SEL1L2: variants seen among roughly 807,000 people sequenced by gnomAD.
The protein encoded by SEL1L2 is SEL1L2 adaptor subunit of SYVN1 ubiquitin ligase.
Under a neutral mutation model 98.8 loss-of-function variants are expected in SEL1L2, and 89 were observed. The ratio of observed to expected loss-of-function variants is 0.90; its 90% confidence interval spans 0.76 to 1.07. The LOEUF is 1.07. Among genes scored for constraint, SEL1L2 ranks in the 50% least tolerant of loss-of-function variants. The pLI, the probability that SEL1L2 is intolerant of heterozygous loss-of-function variation, is 0.00. For synonymous variants in SEL1L2, 262 were observed against 278.5 expected (o/e 0.94, Z 0.59); for missense variants, 788 against 812.0 (o/e 0.97, Z 0.36).
chr20:13,897,589 A>G (rs2047476891), intron 5 of SEL1L2, among the ~76,000 whole-genome samples: 1 of 152,224 alleles, frequency 6.6e-6, no homozygotes, highest in Non-Finnish European at 1.5e-5. Context: ...TAAAATGGGT[A>G]AAGAACTTGA....
At chr20:13,937,677 T>G (rs556113861) in intron 2 of SEL1L2, among the ~76,000 whole-genome samples, 2 of 152,302 alleles carry the variant, frequency 1.3e-5, no homozygotes, top group East Asian at 3.9e-4. Flanking sequence ...AAAGCTGACC[T>G]CCTAGTACAT....
intron 17 of SEL1L2, among the ~76,000 whole-genome samples, chr20:13,861,061 A>G (rs544675813): frequency 1.0e-3 from 154 of 152,258 alleles, no homozygotes; most frequent in Non-Finnish European, 1.7e-3. Context: ...AACTCCTGAT[A>G]TCTCCTCCAC....
At chr20:13,895,742 C>A (rs896489907) in intron 5 of SEL1L2, among the ~76,000 whole-genome samples, 3 of 152,114 alleles carry the variant, frequency 2.0e-5, no homozygotes, top group African/African-American at 4.8e-5. Flanking sequence ...GAAGTCCTAG[C>A]CAGAGCAATT....
chr20:13,936,948 C>A (rs1016262256), intron 2 of SEL1L2, among the ~76,000 whole-genome samples: 2 of 152,180 alleles, frequency 1.3e-5, no homozygotes, highest in African/African-American at 4.8e-5. Context: ...TCTAAGATTC[C>A]TCACAGTCTG....
chr20:13,977,976 T>C (rs1409153089), intron 1 of SEL1L2, among the ~76,000 whole-genome samples: 1 of 152,070 alleles, frequency 6.6e-6, no homozygotes, highest in Non-Finnish European at 1.5e-5. Flanking sequence ...CCCAACATCA[T>C]TTTTCACAAA....
At chr20:13,882,559 C>T (rs537699774) in intron 10 of SEL1L2, among the ~76,000 whole-genome samples, 3 of 152,238 alleles carry the variant, frequency 2.0e-5, no homozygotes, top group South Asian at 2.1e-4. Flanking sequence ...CAGTCATTCT[C>T]GCAGTCACAG....
intron 1 of SEL1L2, among the ~76,000 whole-genome samples, chr20:13,963,474 T>A (rs1046227313): frequency 2.7e-5 from 4 of 148,084 alleles, no homozygotes; most frequent in Non-Finnish European, 3.0e-5. Flanking sequence ...CCCAGCACTT[T>A]GGGAGGCCGA....
chr20:13,880,183 GA>G (rs2046629674), intron 10 of SEL1L2, among the ~76,000 whole-genome samples: 1 of 152,168 alleles, frequency 6.6e-6, no homozygotes, highest in Non-Finnish European at 1.5e-5. Flanking sequence ...CTAGTATTAT[GA>G]TTCTGTAAAA....
chr20:13,949,555 C>T (rs972704687), intron 2 of SEL1L2, among the ~76,000 whole-genome samples: 15 of 152,052 alleles, frequency 9.9e-5, no homozygotes, highest in Admixed American at 2.0e-4. Flanking sequence ...TCCCAGCTAT[C>T]GGGAGGCTGA....
chr20:13,885,030 A>C (rs1425592119), intron 10 of SEL1L2, among the ~76,000 whole-genome samples: 1 of 151,938 alleles, frequency 6.6e-6, no homozygotes, highest in Non-Finnish European at 1.5e-5. Flanking sequence ...GCAGGTGGGG[A>C]TATTCTCTCT....
At chr20:13,849,926 T>C (rs745883449) in intron 19 of SEL1L2, 42 of 551,802 alleles carry the variant, frequency 7.6e-5, no homozygotes, top group Middle Eastern at 4.9e-4. Context: ...ATATAGCACA[T>C]GTCACTGTGC....
At chr20:13,941,726 C>G (rs2049785608) in intron 2 of SEL1L2, among the ~76,000 whole-genome samples, 1 of 152,058 alleles carries the variant, frequency 6.6e-6, no homozygotes, top group Non-Finnish European at 1.5e-5. Flanking sequence ...TGTGGTAATA[C>G]CTTCAAATTG....
intron 13 of SEL1L2, 100 bp from the exon 14 acceptor site, chr20:13,869,690 T>C (rs2046093103): frequency 2.6e-6 from 2 of 761,006 alleles, no homozygotes; most frequent in Admixed American, 2.2e-5. Flanking sequence ...GTGCCCTATG[T>C]GATTTAGGGT....
In SEL1L2 at chr20:13,865,438, T is replaced by A. The variant is rs143493878; in HGVS notation, c.1481A>T (p.Asp494Val). The change falls in exon 16 of 20, where the codon GAT (aspartate) becomes GTT (valine). Residue 494 changes from aspartate to valine, a missense_variant. Asp to Val is a radical substitution (Grantham distance 152). Coordinates refer to ENST00000284951, the MANE Select transcript of SEL1L2 (RefSeq NM_025229.2). ...ATACTGAACAAGAGAAGAATCTATA[T>A]CACCATCCTTATAGGCAAAGTAAGC... ...LTAYFAYKDG[D>V]IDSSLVQYAL... The A allele has an allele frequency of 5.6e-6, 9 of 1,613,994 alleles. No individual in the cohort carries two copies. In the African/African-American group the frequency reaches 9.3e-5, roughly 17 times the overall value.
chr20:13,884,504 A>AT lies in SEL1L2; in HGVS notation c.957+842dup, dbSNP rs201092813. Among the ~76,000 whole-genome samples the AT allele has an allele frequency of 3.9e-3, 575 of 147,036 alleles. 2 individuals carry two copies. The highest frequency in any genetic ancestry group is 0.023 in the East Asian group (121 of 5,154). ...ATTTGAATGGTTAATTAACTTATTTATTTTTTTTATTTTTTTATTTTTAGA... is the reference window on the plus strand; with the variant it reads ...ATTTGAATGGTTAATTAACTTATTTATTTTTTTTTATTTTTTTATTTTTAGA... On this transcript the variant is annotated intron_variant, in intron 10 of 19. Coordinates refer to ENST00000284951, the MANE Select transcript of SEL1L2 (RefSeq NM_025229.2).
chr20:13,854,365 T>C (rs1051234042), intron 18 of SEL1L2, among the ~76,000 whole-genome samples: 8 of 152,224 alleles, frequency 5.3e-5, no homozygotes, highest in African/African-American at 1.9e-4. Flanking sequence ...ATTTCTTCCA[T>C]GTAAAAAGGT....
rs577723338 is a variant in SEL1L2, at chr20:13,915,482, G to T, written c.387-1538C>A. ...ACTCCCTTGAGCCTTTCTGTCACGT[G>T]GCTTGCTGCTGCAACTCTATAGCCT... is the stretch of plus-strand genomic sequence containing the variant. On this transcript the variant is annotated intron_variant, in intron 4 of 19. Coordinates refer to ENST00000284951, the MANE Select transcript of SEL1L2 (RefSeq NM_025229.2). Among the ~76,000 whole-genome samples, 59 of 152,314 alleles carry T rather than the reference G, an allele frequency of 3.9e-4. No individual in the cohort carries two copies. The South Asian group carries it at 4.4e-3, about 11-fold the overall frequency.
intron 2 of SEL1L2, among the ~76,000 whole-genome samples, chr20:13,940,167 T>C (rs931725516): frequency 6.6e-6 from 1 of 152,172 alleles, no homozygotes; most frequent in African/African-American, 2.4e-5. Flanking sequence ...CAGATATCCA[T>C]ACATGCTATG....
At chr20:13,947,304 G>T (rs2050060202) in intron 2 of SEL1L2, among the ~76,000 whole-genome samples, 2 of 152,112 alleles carry the variant, frequency 1.3e-5, no homozygotes, top group Non-Finnish European at 2.9e-5. Flanking sequence ...GCAGGTAGGA[G>T]CTACCCATTC....
Sources: gnomAD v4.1 joint callset for allele counts (sites outside exome capture counted in the v4.1 genomes callset) on GRCh38, gnomAD v4.1.1 for gene constraint, MANE v1.5 for transcripts, NCBI Gene and HGNC (gene_info 2026-07-23, HGNC 2026-07-21) for gene names.